The following RARB variants were observed in gnomAD, a reference collection of about 807,000 sequenced individuals.
RARB encodes HBV-activated protein.
Under a neutral mutation model 51.9 loss-of-function variants are expected in RARB, and 17 were observed. The ratio of observed to expected loss-of-function variants is 0.33; its 90% CI spans 0.22 to 0.49. The LOEUF is 0.49. Ranked by LOEUF, RARB falls within the 20% of genes least tolerant of loss-of-function variation. The probability of loss-of-function intolerance (pLI) is 0.99; values close to 1 mark genes in which losing one functional copy is unlikely to be tolerated. For synonymous variants in RARB, 215 were observed against 195.4 expected (o/e 1.10, Z -0.84); for missense variants, 369 against 550.8 (o/e 0.67, Z 3.30).
intron 2 of RARB, among the ~76,000 whole-genome samples, chr3:25,016,012 A>G (rs895787540): frequency 6.6e-6 from 1 of 152,208 alleles, no homozygotes; most frequent in African/African-American, 2.4e-5. Flanking sequence ...AATTTCTTCC[A>G]TGATTTCATA....
At chr3:24,997,840 A>G (rs905773434) in intron 2 of RARB, among the ~76,000 whole-genome samples, 10 of 152,166 alleles carry the variant, frequency 6.6e-5, no homozygotes, top group African/African-American at 2.2e-4. Flanking sequence ...ATAACAGTCT[A>G]CATATATGCA....
Position 25,149,088 on chromosome 3 carries a change from G to A in RARB, c.-280+16880G>A, listed in dbSNP as rs193167565. Among the ~76,000 whole-genome samples the A allele has an allele frequency of 5.3e-5, 8 of 152,254 alleles. No individual in the cohort carries two copies. The East Asian group carries it at 1.5e-3, about 29-fold the overall frequency. ...ATCACCTTTTTCTGAACTTCTTCAA[G>A]AAGTAACACTCTTGAGCAGGGGGAG... is the stretch of plus-strand genomic sequence containing the variant. On this transcript the variant is annotated intron_variant, in intron 4 of 11. Coordinates refer to the RARB transcript ENST00000383772.
intron 5 of RARB, among the ~76,000 whole-genome samples, chr3:25,411,201 C>G (rs978474092): frequency 9.9e-5 from 15 of 152,038 alleles, no homozygotes; most frequent in African/African-American, 3.6e-4. Context: ...CATGTAAATG[C>G]TTAGACATGA....
intron 2 of RARB, among the ~76,000 whole-genome samples, chr3:25,015,963 GT>G (rs1489378499): frequency 6.6e-6 from 1 of 152,116 alleles, no homozygotes; most frequent in Admixed American, 6.6e-5. Context: ...CTTTAACTCT[GT>G]TTTAGATAAA....
chr3:25,309,165 G>A (rs1704224970), intron 5 of RARB, among the ~76,000 whole-genome samples: 1 of 124,836 alleles, frequency 8.0e-6, no homozygotes, highest in Admixed American at 9.0e-5. Flanking sequence ...TTGAGATGGA[G>A]TCTTGCTCTG....
intron 5 of RARB, among the ~76,000 whole-genome samples, chr3:25,400,878 T>C (rs1042705752): frequency 6.6e-6 from 1 of 151,486 alleles, no homozygotes; most frequent in Non-Finnish European, 1.5e-5. Flanking sequence ...AAATAAAATA[T>C]AAATATAAAA....
intron 4 of RARB, among the ~76,000 whole-genome samples, chr3:25,137,586 G>GTTTATAATTATAA (rs1371969802): frequency 1.3e-5 from 2 of 152,070 alleles, no homozygotes; most frequent in East Asian, 3.9e-4. Context: ...AAAGTTTGAA[G>GTTTATAATTATAA]AGCTTTATAA....
intron 2 of RARB, among the ~76,000 whole-genome samples, chr3:25,008,472 C>T (rs1697322591): frequency 6.6e-6 from 1 of 152,072 alleles, no homozygotes; most frequent in South Asian, 2.1e-4. Flanking sequence ...GAAAGTTCTG[C>T]CTCTGAGTAG....
At chr3:25,097,101 T>C (rs1222508565) in intron 3 of RARB, among the ~76,000 whole-genome samples, 2 of 152,156 alleles carry the variant, frequency 1.3e-5, no homozygotes, top group East Asian at 1.9e-4. Context: ...ACTTGAAAGA[T>C]AGAAGACTAG....
At chr3:24,858,448 G>A (rs187684608) in intron 1 of RARB, among the ~76,000 whole-genome samples, 5 of 152,272 alleles carry the variant, frequency 3.3e-5, no homozygotes, top group Admixed American at 2.6e-4. Flanking sequence ...GTACCCTATC[G>A]TGTGATTCCC....
intron 2 of RARB, among the ~76,000 whole-genome samples, chr3:24,915,695 G>C (rs760322581): frequency 1.3e-5 from 2 of 152,160 alleles, no homozygotes; most frequent in Non-Finnish European, 2.9e-5. Context: ...ATGTGACTTG[G>C]ATCTGGTTCA....
intron 5 of RARB, among the ~76,000 whole-genome samples, chr3:25,251,485 C>A (rs993862564): frequency 3.4e-4 from 51 of 152,064 alleles, no homozygotes; most frequent in African/African-American, 1.0e-3. Flanking sequence ...TTCTTGTTAG[C>A]AGTGTGTGAG....
chr3:25,516,768 A>G (rs1698185800), intron 3 of RARB, among the ~76,000 whole-genome samples: 1 of 152,002 alleles, frequency 6.6e-6, no homozygotes, highest in Admixed American at 6.6e-5. Context: ...CTGGGATTAT[A>G]AGCATACACC....
intron 2 of RARB, among the ~76,000 whole-genome samples, chr3:24,932,304 G>A (rs1427906021): frequency 6.6e-6 from 1 of 151,914 alleles, no homozygotes; most frequent in Non-Finnish European, 1.5e-5. Context: ...CCCCTCTCCT[G>A]CTTTAGCTCC....
chr3:25,230,007 T>G (rs907514475), intron 5 of RARB, among the ~76,000 whole-genome samples: 1 of 152,088 alleles, frequency 6.6e-6, no homozygotes, highest in Non-Finnish European at 1.5e-5. Context: ...TGAGTAAATA[T>G]ATTATGAATG....
At chr3:25,283,754 G>A (rs975475389) in intron 5 of RARB, among the ~76,000 whole-genome samples, 2 of 152,148 alleles carry the variant, frequency 1.3e-5, no homozygotes, top group Admixed American at 6.5e-5. Context: ...GCCCTTCTAA[G>A]GGGGCAGTTT....
At chr3:25,509,482 T>G (rs1697781143) in intron 3 of RARB, among the ~76,000 whole-genome samples, 1 of 152,252 alleles carries the variant, frequency 6.6e-6, no homozygotes, top group African/African-American at 2.4e-5. Flanking sequence ...CATTTTGAAT[T>G]GTTTAGAACA....
chr3:25,450,700 C>T (rs1018648301), intron 1 of RARB, among the ~76,000 whole-genome samples: 1 of 152,156 alleles, frequency 6.6e-6, no homozygotes, highest in Non-Finnish European at 1.5e-5. Context: ...CCTCTACCTA[C>T]TAGATGCCAG....
intron 2 of RARB, among the ~76,000 whole-genome samples, chr3:24,903,067 C>G (rs1193353295): frequency 6.6e-6 from 1 of 152,016 alleles, no homozygotes; most frequent in East Asian, 1.9e-4. Flanking sequence ...GACATGCTTT[C>G]AAATTTTATA....
Sources: allele counts gnomAD v4.1 joint callset (sites outside exome capture counted in the v4.1 genomes callset), GRCh38; gene constraint gnomAD v4.1.1; transcripts MANE v1.5; gene names NCBI Gene and HGNC (gene_info 2026-07-23, HGNC 2026-07-21).